ARHGEF3: variants seen among roughly 807,000 people sequenced by gnomAD.
The protein encoded by ARHGEF3 is 59.8 kDA protein.
Under a neutral mutation model 63.2 loss-of-function variants are expected in ARHGEF3, and 28 were observed. The ratio of observed to expected loss-of-function variants is 0.44; its 90% CI spans 0.33 to 0.61. ARHGEF3 has a LOEUF of 0.61. Ranked by LOEUF, ARHGEF3 falls within the 20% of genes least tolerant of loss-of-function variation. ARHGEF3 has a pLI of 0.03. For missense variants in ARHGEF3, 533 were observed against 659.3 expected (o/e 0.81, Z 2.10); for synonymous variants, 266 against 254.2 (o/e 1.05, Z -0.44).
At chr3:56,929,218 T>C (rs2042350142) in intron 3 of ARHGEF3, among the ~76,000 whole-genome samples, 2 of 152,318 alleles carry the variant, frequency 1.3e-5, no homozygotes, top group Non-Finnish European at 2.9e-5. Context: ...CTTCTACTCA[T>C]TCTGAACTAC....
intron 2 of ARHGEF3, among the ~76,000 whole-genome samples, chr3:56,758,757 G>A (rs62252667): frequency 0.054 from 8,171 of 152,226 alleles, 259 homozygotes; most frequent in East Asian, 0.11. Context: ...CACACAGATC[G>A]CCAGCACTCG....
At chr3:56,837,891 G>C (rs1432240003) in intron 4 of ARHGEF3, among the ~76,000 whole-genome samples, 4 of 152,168 alleles carry the variant, frequency 2.6e-5, no homozygotes, top group Non-Finnish European at 4.4e-5. Flanking sequence ...TCCTCCAGCA[G>C]CCAGAAACTT....
intron 3 of ARHGEF3, among the ~76,000 whole-genome samples, chr3:56,951,175 GT>G: frequency 1.3e-5 from 2 of 151,518 alleles, no homozygotes; most frequent in Non-Finnish European, 2.9e-5. Context: ...ATATACCTAT[GT>G]TAAATGACAA....
intron 3 of ARHGEF3, chr3:56,898,609 T>C: frequency 3.5e-6 from 1 of 287,596 alleles, no homozygotes; most frequent in Non-Finnish European, 7.7e-6. Flanking sequence ...AAGTATCAGC[T>C]GTTTTCTTCT....
chr3:57,034,352 C>T lies in ARHGEF3; in HGVS notation c.62+736G>A, dbSNP rs796931558. On this transcript the variant is annotated intron_variant, in intron 2 of 12. Transcript: ENST00000338458. The stretch of plus-strand genomic sequence containing the variant: ...AAGAAATGGTGAGTCAAAGAGAAGA[C>T]GGAGCTGCCAAGAGCTCAGGGTCTG... Among the ~76,000 whole-genome samples the T allele has an allele frequency of 7.3e-5, 11 of 150,762 alleles. No individual in the cohort carries two copies. In the East Asian group the frequency reaches 1.2e-3, roughly 16 times the overall value.
At position 56,727,614 on chromosome 3, in the gene ARHGEF3, C is replaced by T. The variant is rs969286786; in HGVS notation, c.*1656G>A. 5.2e-5 allele frequency: 8 copies of T among 152,634 alleles called. No individual in the cohort carries two copies. The highest frequency in any genetic ancestry group is 1.9e-4 in the African/African-American group (8 of 41,456). 9.5% of individuals were successfully genotyped at this position (152,634 alleles called of 1,614,324 possible). On this transcript the variant is annotated 3_prime_UTR_variant, in exon 10 of 10. Coordinates refer to ENST00000296315, the MANE Select transcript of ARHGEF3 (RefSeq NM_019555.3). ...CCTACAAAGAATCATTCATTCTTTT[C>T]TTCACCAATAAAGGCTGTTCTTGGC...
chr3:56,927,565 G>A (rs1279796606), intron 3 of ARHGEF3, among the ~76,000 whole-genome samples: 1 of 152,056 alleles, frequency 6.6e-6, no homozygotes, highest in Non-Finnish European at 1.5e-5. Flanking sequence ...ATTTAACAAA[G>A]AATTTTTCAA....
intron 1 of ARHGEF3, among the ~76,000 whole-genome samples, chr3:56,789,972 T>C (rs1176123230): frequency 6.6e-6 from 1 of 152,186 alleles, no homozygotes; most frequent in African/African-American, 2.4e-5. Context: ...AATTATTTTG[T>C]GATTTGTCTT....
At chr3:56,959,432 G>A (rs1443074812) in intron 2 of ARHGEF3, among the ~76,000 whole-genome samples, 1 of 152,142 alleles carries the variant, frequency 6.6e-6, no homozygotes, top group African/African-American at 2.4e-5. Context: ...TAGAGGCAGT[G>A]GAGGCAGCTT....
intron 1 of ARHGEF3, among the ~76,000 whole-genome samples, chr3:57,072,332 G>T (rs922402757): frequency 6.6e-6 from 1 of 152,080 alleles, no homozygotes; most frequent in Non-Finnish European, 1.5e-5. Context: ...GAATGGAAGA[G>T]CCAGGGCAGG....
chr3:56,827,107 C>T (rs1300672188), intron 4 of ARHGEF3, among the ~76,000 whole-genome samples: 1 of 151,966 alleles, frequency 6.6e-6, no homozygotes, highest in East Asian at 1.9e-4. Flanking sequence ...AAATTTGTAT[C>T]CTAAAATATA....
At chr3:56,880,373 T>C (rs1411380342) in intron 4 of ARHGEF3, among the ~76,000 whole-genome samples, 1 of 152,250 alleles carries the variant, frequency 6.6e-6, no homozygotes, top group African/African-American at 2.4e-5. Flanking sequence ...CACAGTCTTG[T>C]GACCTTGATG....
chr3:56,982,248 T>G lies in ARHGEF3; in HGVS notation c.63-23359A>C, dbSNP rs1701354170. ...GACTTGCCAGTGATAAAAAGTGAGCTCTCTTTAAAAAAAAAAAAAAAGTAA... is the reference window on the plus strand; with the variant it reads ...GACTTGCCAGTGATAAAAAGTGAGCGCTCTTTAAAAAAAAAAAAAAAGTAA... On this transcript the variant is annotated intron_variant, in intron 2 of 12. Transcript: ENST00000338458. 4.0e-5 allele frequency among the ~76,000 whole-genome samples: 6 copies of G among 148,828 alleles called. No individual in the cohort carries two copies. The South Asian group carries it at 1.1e-3, about 26-fold the overall frequency.
intron 1 of ARHGEF3, among the ~76,000 whole-genome samples, chr3:57,062,811 AATGGCTTTTAATCTGTTT>A (rs1311993643): frequency 6.6e-6 from 1 of 152,170 alleles, no homozygotes; most frequent in Non-Finnish European, 1.5e-5. Context: ...AGAAGAATCA[AATGGCTTTTAATCTGTTT>A]ACCAAACTTT....
At chr3:56,803,937 T>C (rs1578560064), upstream of ARHGEF3, among the ~76,000 whole-genome samples, 1 of 150,376 alleles carries the variant, frequency 6.6e-6, no homozygotes. Context: ...CAGGCTGGAG[T>C]GTAGTGGCAT....
intron 8 of ARHGEF3, 22 bp from the exon 9 acceptor site, chr3:56,732,446 G>A (rs1235482468): frequency 6.2e-7 from 1 of 1,613,332 alleles, no homozygotes; most frequent in Admixed American, 1.7e-5. Context: ...AAATCCACAA[G>A]CTTTCATTAA....
chr3:56,932,294 CAAAAA>C (rs927075100), intron 3 of ARHGEF3, among the ~76,000 whole-genome samples: 2 of 151,584 alleles, frequency 1.3e-5, no homozygotes, highest in East Asian at 1.9e-4. Context: ...CAAAACAAAA[CAAAAA>C]AAAGTCATGT....
intron 2 of ARHGEF3, among the ~76,000 whole-genome samples, chr3:57,000,848 T>C (rs1702165875): frequency 6.6e-6 from 1 of 152,186 alleles, no homozygotes; most frequent in Admixed American, 6.5e-5. Context: ...TACCTTATTA[T>C]TTAACTGTAA....
At chr3:56,994,077 A>AAAAAAAAAAAAAAAAAAAAC (rs1701879513) in intron 2 of ARHGEF3, among the ~76,000 whole-genome samples, 1 of 135,716 alleles carries the variant, frequency 7.4e-6, no homozygotes, top group Non-Finnish European at 1.6e-5. Context: ...AAAAAAAAAA[A>AAAAAAAAAAAAAAAAAAAAC]AAAAAAAAGC....
Sources: allele counts gnomAD v4.1 joint callset (sites outside exome capture counted in the v4.1 genomes callset), GRCh38; gene constraint gnomAD v4.1.1; transcripts MANE v1.5; gene names NCBI Gene and HGNC (gene_info 2026-07-23, HGNC 2026-07-21).